Variants in SLC9C1 observed in about 807,000 individuals in gnomAD.
SLC9C1 encodes solute carrier family 9 member C1, also known as sodium/hydrogen exchanger 10.
Under a neutral mutation model 140.9 loss-of-function variants are expected in SLC9C1, and 97 were observed. The ratio of observed to expected loss-of-function variants is 0.69; its 90% CI spans 0.58 to 0.82. The LOEUF (loss-of-function observed/expected upper bound fraction) is 0.82, where lower values mean the gene tolerates loss of function less well. SLC9C1 is among the 40% of genes least tolerant of loss of function. The pLI is 0.00. For synonymous variants in SLC9C1, 440 were observed against 442.6 expected (o/e 0.99, Z 0.07); for missense variants, 1,340 against 1,389.3 (o/e 0.96, Z 0.56).
chr3:112,199,605 G>A (rs535392435), intron 19 of SLC9C1, 136 bp from the exon 20 acceptor site: 26 of 567,154 alleles, frequency 4.6e-5, no homozygotes, highest in African/African-American at 4.3e-4. Flanking sequence ...CTTCCTGAAG[G>A]GGCCACTATG....
intron 15 of SLC9C1, among the ~76,000 whole-genome samples, chr3:112,209,318 A>G (rs1221555715): frequency 3.3e-5 from 5 of 152,322 alleles, no homozygotes; most frequent in Admixed American, 6.5e-5. Context: ...GGAGCTGCAG[A>G]GTTTAAGCCT....
chr3:112,254,071 C>T (rs961825305), intron 10 of SLC9C1, among the ~76,000 whole-genome samples: 3 of 152,156 alleles, frequency 2.0e-5, no homozygotes. Context: ...AACAAAACTT[C>T]TGAAAAATAT....
At chr3:112,154,121 A>G (rs774023953) in intron 27 of SLC9C1, among the ~76,000 whole-genome samples, 3 of 152,182 alleles carry the variant, frequency 2.0e-5, no homozygotes, top group Non-Finnish European at 2.9e-5. Flanking sequence ...GTCTAGTGCT[A>G]ATAGAACAAA....
chr3:112,239,483 C>G (rs940961077), intron 12 of SLC9C1, among the ~76,000 whole-genome samples: 1 of 152,240 alleles, frequency 6.6e-6, no homozygotes, highest in Non-Finnish European at 1.5e-5. Context: ...GTCTGACAAG[C>G]CCCAGTGAGA....
chr3:112,208,459 C>T, intron 15 of SLC9C1, 86 bp from the exon 16 acceptor site: 1 of 913,204 alleles, frequency 1.1e-6, no homozygotes, highest in Non-Finnish European at 1.6e-6. Context: ...TACTTATCAA[C>T]AGCTGCAGAG....
intron 28 of SLC9C1, among the ~76,000 whole-genome samples, chr3:112,143,147 T>C (rs766318532): frequency 2.0e-5 from 3 of 152,184 alleles, no homozygotes; most frequent in African/African-American, 7.2e-5. Flanking sequence ...GATGAGCACC[T>C]AGGTTGATTC....
intron 5 of SLC9C1, among the ~76,000 whole-genome samples, chr3:112,276,577 A>G (rs2080220812): frequency 6.6e-6 from 1 of 152,106 alleles, no homozygotes; most frequent in Non-Finnish European, 1.5e-5. Flanking sequence ...GACAAAATTT[A>G]TGAAAATAAC....
At chr3:112,157,276 G>C (rs1452865740) in intron 26 of SLC9C1, among the ~76,000 whole-genome samples, 1 of 151,964 alleles carries the variant, frequency 6.6e-6, no homozygotes, top group Admixed American at 6.6e-5. Flanking sequence ...TAAAGAGACT[G>C]TCCTTTCCCC....
chr3:112,165,785 T>C (rs1282691016), intron 26 of SLC9C1, among the ~76,000 whole-genome samples: 2 of 152,188 alleles, frequency 1.3e-5, no homozygotes, highest in East Asian at 1.9e-4. Context: ...GAACCACTAC[T>C]CTCTTCAAAG....
chr3:112,228,715 T>C (rs961025303), intron 13 of SLC9C1, among the ~76,000 whole-genome samples: 19 of 151,940 alleles, frequency 1.3e-4, no homozygotes, highest in Admixed American at 2.6e-4. Flanking sequence ...TAGTATGATT[T>C]AAAAATGAGC....
chr3:112,160,720 C>T (rs528064095), intron 26 of SLC9C1, among the ~76,000 whole-genome samples: 37 of 151,168 alleles, frequency 2.4e-4, no homozygotes, highest in African/African-American at 8.8e-4. Context: ...AATAATGCCG[C>T]AATAAACATA....
chr3:112,216,868 G>T (rs1305716040), intron 15 of SLC9C1, among the ~76,000 whole-genome samples: 1 of 152,088 alleles, frequency 6.6e-6, no homozygotes, highest in African/African-American at 2.4e-5. Flanking sequence ...TATACCCAAA[G>T]GATTATAAAT....
chr3:112,243,202 A>G (rs950993815), intron 11 of SLC9C1, among the ~76,000 whole-genome samples: 2 of 152,212 alleles, frequency 1.3e-5, no homozygotes, highest in Non-Finnish European at 2.9e-5. Flanking sequence ...TACAAAAAAG[A>G]TACATTCACT....
At chr3:112,268,448 T>C (rs532781562) in intron 7 of SLC9C1, among the ~76,000 whole-genome samples, 84 of 152,334 alleles carry the variant, frequency 5.5e-4, no homozygotes, top group African/African-American at 1.9e-3. Flanking sequence ...ATAACTTTTA[T>C]AATTTTCTAT....
At chr3:112,230,805 C>A (rs2078800790) in intron 13 of SLC9C1, among the ~76,000 whole-genome samples, 1 of 152,116 alleles carries the variant, frequency 6.6e-6, no homozygotes, top group South Asian at 2.1e-4. Flanking sequence ...TGAAAACTAG[C>A]CTATTAGCAA....
Position 112,266,239 on chromosome 3 carries a change from C to G in SLC9C1, c.877G>C (p.Glu293Gln). Residue 293 changes from glutamate to glutamine, a missense_variant and splice_region_variant, in exon 8 of 29, where the codon GAA (glutamate) becomes CAA (glutamine). Physicochemically the swap from Glu to Gln is conservative, Grantham distance 29. Transcript: ENST00000305815. The stretch of plus-strand genomic sequence containing the variant: ...AGTCAAAATATGCTATCCACTTACT[C>G]AAGAAGAAGTGTTTCTTCAATTGCT... Reference protein sequence around the residue: ...KAAIEETLLLEFWTFLSRIAF... With the variant: ...KAAIEETLLLQFWTFLSRIAF... The G allele has an allele frequency of 1.3e-6, 2 of 1,596,752 alleles. No individual in the cohort carries two copies. The highest frequency in any genetic ancestry group is 1.7e-6 in the Non-Finnish European group (2 of 1,167,002).
intron 19 of SLC9C1, among the ~76,000 whole-genome samples, chr3:112,200,407 G>A (rs1360230696): frequency 6.6e-6 from 1 of 151,972 alleles, no homozygotes; most frequent in African/African-American, 2.4e-5. Flanking sequence ...TGTATTTCTG[G>A]TTTGGAAAAA....
At chr3:112,152,057 A>C (rs1200594476) in intron 27 of SLC9C1, 94 bp from the exon 28 acceptor site, 3 of 912,506 alleles carry the variant, frequency 3.3e-6, no homozygotes, top group Non-Finnish European at 4.8e-6. Context: ...CGCAAGGTGG[A>C]GATGAGAGAC....
intron 27 of SLC9C1, among the ~76,000 whole-genome samples, chr3:112,154,618 A>G (rs1461834417): frequency 3.3e-5 from 5 of 152,210 alleles, no homozygotes; most frequent in African/African-American, 1.2e-4. Context: ...AGGCTTAAAG[A>G]TCCCAAATGC....
Sources: gnomAD v4.1 joint callset for allele counts (sites outside exome capture counted in the v4.1 genomes callset) on GRCh38, gnomAD v4.1.1 for gene constraint, MANE v1.5 for transcripts, NCBI Gene and HGNC (gene_info 2026-07-23, HGNC 2026-07-21) for gene names.